Variants in EIF4EBP2 observed in about 807,000 individuals in gnomAD.
EIF4EBP2 encodes the protein eukaryotic translation initiation factor 4E binding protein 2, also known as eukaryotic translation initiation factor 4E-binding protein 2.
Under a neutral mutation model 10.3 loss-of-function variants are expected in EIF4EBP2, and 5 were observed. The ratio of observed to expected loss-of-function variants is 0.48; its 90% confidence interval spans 0.25 to 1.02. The LOEUF (loss-of-function observed/expected upper bound fraction) is 1.02, where lower values mean the gene tolerates loss of function less well. Among genes scored for constraint, EIF4EBP2 ranks in the 50% least tolerant of loss-of-function variants. The pLI is 0.15. For synonymous variants in EIF4EBP2, 67 were observed against 61.1 expected (o/e 1.10, Z -0.45); for missense variants, 188 against 162.2 (o/e 1.16, Z -0.86).
intron 2 of EIF4EBP2, among the ~76,000 whole-genome samples, chr10:70,421,141 C>T (rs918739262): frequency 9.9e-5 from 15 of 152,246 alleles, no homozygotes; most frequent in East Asian, 1.9e-4. Flanking sequence ...TGAGGAAAAG[C>T]GGTATGGTTT....
chr10:70,421,815 G>A lies in EIF4EBP2; in HGVS notation c.*68G>A. ...TGTGTGCACCTGATTTGGCCAATAGGATCAACAGTGAAAAGACAGAAGAGG... is the reference window on the plus strand; with the variant it reads ...TGTGTGCACCTGATTTGGCCAATAGAATCAACAGTGAAAAGACAGAAGAGG... On this transcript the variant is annotated 3_prime_UTR_variant, in exon 3 of 3. Coordinates refer to ENST00000373218, the MANE Select transcript of EIF4EBP2 (RefSeq NM_004096.5). The A allele has an allele frequency of 6.7e-7, 1 of 1,488,848 alleles. No homozygotes were observed. Among genetic ancestry groups the A allele is most frequent in the South Asian group, 1.1e-5 (1 of 87,408 alleles). The allele number at this position is 1,488,848 out of a possible 1,614,324, so 92.2% of individuals were successfully genotyped here.
chr10:70,418,601 G>T (rs565726030), intron 1 of EIF4EBP2, among the ~76,000 whole-genome samples: 59 of 152,240 alleles, frequency 3.9e-4, no homozygotes, highest in African/African-American at 1.4e-3. Flanking sequence ...ATCATTTTCT[G>T]TTGAAGGCCA....
Position 70,420,072 on chromosome 10 carries a change from A to G in EIF4EBP2, c.304A>G (p.Asn102Asp), listed in dbSNP as rs1159936754. Residue 102 changes from asparagine (N) to aspartate (D), a missense_variant, in exon 2 of 3, where the codon AAC becomes GAC. Coordinates refer to ENST00000373218, the MANE Select transcript of EIF4EBP2 (RefSeq NM_004096.5). Reference protein sequence around the residue: ...KVEVNNLNNLNNHDRKHAVGD... With the variant: ...KVEVNNLNNLDNHDRKHAVGD... ...AGAAGTAAACAATTTGAACAACTTG[A>G]ACAATCACGACAGGAAACATGCAGT... 1 of 1,609,950 alleles carries G rather than the reference A, an allele frequency of 6.2e-7. No individual in the cohort carries two copies. Among genetic ancestry groups the G allele is most frequent in the South Asian group, 1.1e-5 (1 of 90,042 alleles).
In EIF4EBP2 at chr10:70,423,450, C is replaced by A. The variant is rs772977530; in HGVS notation, c.*1703C>A. On this transcript the variant is annotated 3_prime_UTR_variant, in exon 3 of 3. Coordinates refer to ENST00000373218, the MANE Select transcript of EIF4EBP2 (RefSeq NM_004096.5). ...ACCTACCTGTCCTGGGGCTGTTGAG[C>A]AGCATAATAATCCCGGGAGAATGAT... The A allele has an allele frequency of 6.6e-6, 1 of 152,598 alleles. No homozygotes were observed. Among genetic ancestry groups the A allele is most frequent in the Admixed American group, 6.5e-5 (1 of 15,276 alleles). The allele number at this position is 152,598 out of a possible 1,614,324, so 9.5% of individuals were successfully genotyped here. A position where few individuals can be genotyped will look rare whatever the true frequency, so the allele number is the denominator to read the frequency against.
At position 70,425,946 on chromosome 10, in the gene EIF4EBP2, A is replaced by G. The variant is rs1845202069; in HGVS notation, c.*4199A>G. The G allele has an allele frequency of 1.3e-5, 2 of 152,248 alleles. No homozygotes were observed. Among genetic ancestry groups the G allele is most frequent in the South Asian group, 4.1e-4 (2 of 4,836 alleles). 9.4% of individuals were successfully genotyped at this position (152,248 alleles called of 1,614,324 possible). A position where few individuals can be genotyped will look rare whatever the true frequency, so the allele number is the denominator to read the frequency against. Reference sequence around the variant, plus strand: ...TGGTCTCTCCAGTCTCAACAGACTCAGGTCAGGTCTCTCACCCAGGAAGCA... The same window carrying G: ...TGGTCTCTCCAGTCTCAACAGACTCGGGTCAGGTCTCTCACCCAGGAAGCA... On this transcript the variant is annotated 3_prime_UTR_variant, in exon 3 of 3. Coordinates refer to ENST00000373218, the MANE Select transcript of EIF4EBP2 (RefSeq NM_004096.5).
At position 70,410,459 on chromosome 10, in the gene EIF4EBP2, G is replaced by A. The variant is rs529066013; in HGVS notation, c.145+5913G>A. 2.6e-5 allele frequency among the ~76,000 whole-genome samples: 4 copies of A among 152,354 alleles called. No homozygotes were observed. In the East Asian group the frequency reaches 7.7e-4, roughly 29 times the overall value. On this transcript the variant is annotated intron_variant, in intron 1 of 2. Coordinates refer to ENST00000373218, the MANE Select transcript of EIF4EBP2 (RefSeq NM_004096.5). Reference sequence around the variant, plus strand: ...AGTGAATGTGGTTTGGCCACCACCTGTCTCCCTGAAGAATACAGAGTTAGG... The same window carrying A: ...AGTGAATGTGGTTTGGCCACCACCTATCTCCCTGAAGAATACAGAGTTAGG...
chr10:70,421,868 C>T lies in EIF4EBP2; in HGVS notation c.*121C>T, dbSNP rs1845160648. The T allele has an allele frequency of 1.2e-6, 1 of 861,140 alleles. No homozygotes were observed. The allele number at this position is 861,140 out of a possible 1,614,324, so 53.3% of individuals were successfully genotyped here. A position where few individuals can be genotyped will look rare whatever the true frequency, so the allele number is the denominator to read the frequency against. On this transcript the variant is annotated 3_prime_UTR_variant, in exon 3 of 3. Transcript: ENST00000373218. ...ATACCAGCAGTCCCCATTACAGTCT[C>T]CACCTCCCCGTCTTCCTCTGGGTGC...
At chr10:70,409,504 A>G (rs969814232) in intron 1 of EIF4EBP2, among the ~76,000 whole-genome samples, 1 of 152,202 alleles carries the variant, frequency 6.6e-6, no homozygotes, top group Non-Finnish European at 1.5e-5. Context: ...GTAACTTGTT[A>G]GTATTAAACA....
chr10:70,421,142 G>A (rs1313212923), intron 2 of EIF4EBP2, among the ~76,000 whole-genome samples: 3 of 152,094 alleles, frequency 2.0e-5, no homozygotes, highest in South Asian at 2.1e-4. Flanking sequence ...GAGGAAAAGC[G>A]GTATGGTTTA....
At chr10:70,411,719 T>A (rs1845048643) in intron 1 of EIF4EBP2, among the ~76,000 whole-genome samples, 1 of 152,194 alleles carries the variant, frequency 6.6e-6, no homozygotes. Flanking sequence ...CCTCCCAAAG[T>A]GCTGTGATTA....
chr10:70,408,979 G>A (rs1315707145), intron 1 of EIF4EBP2, among the ~76,000 whole-genome samples: 1 of 152,218 alleles, frequency 6.6e-6, no homozygotes, highest in African/African-American at 2.4e-5. Flanking sequence ...TCACATACAT[G>A]TCAGAGCATT....
At position 70,426,018 on chromosome 10, in the gene EIF4EBP2, C is replaced by T. The variant is rs1391318222; in HGVS notation, c.*4271C>T. The T allele has an allele frequency of 1.3e-5, 2 of 152,196 alleles. No homozygotes were observed. Among genetic ancestry groups the T allele is most frequent in the Non-Finnish European group, 2.9e-5 (2 of 68,020 alleles). The allele number at this position is 152,196 out of a possible 1,614,324, so 9.4% of individuals were successfully genotyped here. ...CATCTGAGAATTACAAATGTCTATG[C>T]TTGATTGCTCCTCTAAATCCAGTGC... is the stretch of plus-strand genomic sequence containing the variant. On this transcript the variant is annotated 3_prime_UTR_variant, in exon 3 of 3. Coordinates refer to ENST00000373218, the MANE Select transcript of EIF4EBP2 (RefSeq NM_004096.5).
At chr10:70,409,283 C>CA (rs528366589) in intron 1 of EIF4EBP2, among the ~76,000 whole-genome samples, 6 of 147,930 alleles carry the variant, frequency 4.1e-5, no homozygotes, top group Admixed American at 2.7e-4. Flanking sequence ...AATTCCAGGC[C>CA]AAAAAAAAAG....
rs1306906734 is a variant in EIF4EBP2 at position 70,424,903 on chromosome 10, C to T, written c.*3156C>T. On this transcript the variant is annotated 3_prime_UTR_variant, in exon 3 of 3. Coordinates refer to ENST00000373218, the MANE Select transcript of EIF4EBP2 (RefSeq NM_004096.5). ...TGGGCTTCCAAGCCAAGAGTTTTGT[C>T]CTTCCACCTGTATTAGTTATCTATT... The T allele has an allele frequency of 6.6e-6, 1 of 152,166 alleles. No homozygotes were observed. The highest frequency in any genetic ancestry group is 1.5e-5 in the Non-Finnish European group (1 of 68,018). The allele number at this position is 152,166 out of a possible 1,614,324, so 9.4% of individuals were successfully genotyped here.
At chr10:70,419,406 T>C (rs2137231361) in intron 1 of EIF4EBP2, among the ~76,000 whole-genome samples, 1 of 152,372 alleles carries the variant, frequency 6.6e-6, no homozygotes, top group African/African-American at 2.4e-5. Flanking sequence ...AATGTTAGTC[T>C]CAGTCCTTCT....
chr10:70,417,100 A>G (rs1425324995), intron 1 of EIF4EBP2, among the ~76,000 whole-genome samples: 1 of 152,246 alleles, frequency 6.6e-6, no homozygotes, highest in Non-Finnish European at 1.5e-5. Flanking sequence ...TTATCGACTT[A>G]CCAGTCCATC....
intron 1 of EIF4EBP2, among the ~76,000 whole-genome samples, chr10:70,412,538 C>A (rs1244739624): frequency 6.6e-6 from 1 of 152,112 alleles, no homozygotes; most frequent in Non-Finnish European, 1.5e-5. Flanking sequence ...GATTATTTAT[C>A]ATTTAAACTA....
In EIF4EBP2 at chr10:70,404,366, C is replaced by T; in HGVS notation, c.-36C>T. On this transcript the variant is annotated 5_prime_UTR_variant, in exon 1 of 3. Coordinates refer to ENST00000373218, the MANE Select transcript of EIF4EBP2 (RefSeq NM_004096.5). The stretch of plus-strand genomic sequence containing the variant: ...GCCCCGGCCCCGCCGCCGCCGCCTG[C>T]CCGCCGGACAAAGCCGAGAGCCCGC... The T allele has an allele frequency of 2.0e-6, 3 of 1,511,528 alleles. No individual in the cohort carries two copies. Among genetic ancestry groups the T allele is most frequent in the Non-Finnish European group, 2.6e-6 (3 of 1,133,256 alleles). The allele number at this position is 1,511,528 out of a possible 1,614,324, so 93.6% of individuals were successfully genotyped here.
chr10:70,404,410 G>A lies in EIF4EBP2; in HGVS notation c.9G>A (p.Ser3=). The A allele has an allele frequency of 3.8e-6, 6 of 1,585,016 alleles. No homozygotes were observed. The highest frequency in any genetic ancestry group is 5.1e-6 in the Non-Finnish European group (6 of 1,168,784). Residue 3 remains serine, a synonymous_variant, in exon 1 of 3, where the codon TCG becomes TCA. Coordinates refer to ENST00000373218, the MANE Select transcript of EIF4EBP2 (RefSeq NM_004096.5). MS[S]SAGSGHQPSQ... ...AGCCCGCGCCCACAGCCATGTCCTCGTCAGCCGGCAGCGGCCACCAGCCCA... is the reference window on the plus strand; with the variant it reads ...AGCCCGCGCCCACAGCCATGTCCTCATCAGCCGGCAGCGGCCACCAGCCCA...
Sources: allele counts gnomAD v4.1 joint callset (sites outside exome capture counted in the v4.1 genomes callset), GRCh38; gene constraint gnomAD v4.1.1; transcripts MANE v1.5; gene names NCBI Gene and HGNC (gene_info 2026-07-23, HGNC 2026-07-21).